The following BRINP1 variants were observed in gnomAD, a reference collection of about 807,000 sequenced individuals.
The protein encoded by BRINP1 is BMP/retinoic acid-inducible neural-specific protein 1.
BRINP1 carries 17 observed loss-of-function variants against 72.9 expected under a neutral mutation model. The observed-to-expected ratio is 0.23, with a 90% CI of 0.16 to 0.35. The LOEUF is 0.35. Ranked by LOEUF, BRINP1 falls within the 10% of genes least tolerant of loss-of-function variation. The pLI, the probability that BRINP1 is intolerant of heterozygous loss-of-function variation, is 1.00. For missense variants in BRINP1, 850 were observed against 1,001.6 expected (o/e 0.85, Z 2.04); for synonymous variants, 418 against 378.5 (o/e 1.10, Z -1.21).
chr9:119,289,022 A>G (rs1830796601), intron 2 of BRINP1, among the ~76,000 whole-genome samples: 1 of 151,834 alleles, frequency 6.6e-6, no homozygotes, highest in Admixed American at 6.6e-5. Context: ...CTGATCTCGA[A>G]CTCCTGACCT....
At chr9:119,266,378 A>G (rs1288609256) in intron 2 of BRINP1, among the ~76,000 whole-genome samples, 16 of 152,222 alleles carry the variant, frequency 1.1e-4, no homozygotes, top group Non-Finnish European at 1.3e-4. Flanking sequence ...TGTTATCATT[A>G]TATATTGACA....
At chr9:119,317,692 A>G (rs1831139093) in intron 1 of BRINP1, among the ~76,000 whole-genome samples, 1 of 152,200 alleles carries the variant, frequency 6.6e-6, no homozygotes, top group African/African-American at 2.4e-5. Flanking sequence ...GAAAGAGTCA[A>G]TTGATGTGGC....
At chr9:119,322,494 G>T (rs1395401228) in intron 1 of BRINP1, among the ~76,000 whole-genome samples, 1 of 152,210 alleles carries the variant, frequency 6.6e-6, no homozygotes, top group African/African-American at 2.4e-5. Flanking sequence ...TCAGGAGGAG[G>T]AGATGAGAGA....
intron 5 of BRINP1, among the ~76,000 whole-genome samples, chr9:119,229,424 T>C (rs1376346379): frequency 6.6e-6 from 1 of 152,066 alleles, no homozygotes; most frequent in Non-Finnish European, 1.5e-5. Flanking sequence ...CAGTAACTTA[T>C]CTGAAACCTC....
chr9:119,348,547 C>T (rs1290369080), intron 1 of BRINP1, among the ~76,000 whole-genome samples: 1 of 152,170 alleles, frequency 6.6e-6, no homozygotes, highest in African/African-American at 2.4e-5. Flanking sequence ...ATTTTGCATC[C>T]CCACTAGCAA....
At chr9:119,283,061 T>A (rs968339649) in intron 2 of BRINP1, 44 of 985,306 alleles carry the variant, frequency 4.5e-5, no homozygotes, top group Non-Finnish European at 5.1e-5. Flanking sequence ...GATACAGAGT[T>A]ACGGAGAGGT....
chr9:119,329,937 G>A (rs1252243240), intron 1 of BRINP1, among the ~76,000 whole-genome samples: 1 of 152,164 alleles, frequency 6.6e-6, no homozygotes, highest in Non-Finnish European at 1.5e-5. Flanking sequence ...CCTATTTAAT[G>A]TTCTACTTGG....
chr9:119,335,976 C>A (rs980952401), intron 1 of BRINP1, among the ~76,000 whole-genome samples: 1 of 152,196 alleles, frequency 6.6e-6, no homozygotes, highest in African/African-American at 2.4e-5. Flanking sequence ...CTTTTGAATG[C>A]CACCTGAGAC....
intron 7 of BRINP1, among the ~76,000 whole-genome samples, chr9:119,180,911 GGAA>G (rs1460564739): frequency 2.0e-5 from 3 of 152,172 alleles, no homozygotes; most frequent in Non-Finnish European, 4.4e-5. Context: ...GATGGAAGAA[GGAA>G]GAAGGAGAAG....
chr9:119,233,421 T>C (rs1030988414), intron 5 of BRINP1, among the ~76,000 whole-genome samples: 16 of 151,910 alleles, frequency 1.1e-4, no homozygotes, highest in African/African-American at 3.9e-4. Context: ...CAAAAATAAA[T>C]CTAATAAAAA....
At chr9:119,260,205 C>T (rs567900407) in intron 2 of BRINP1, among the ~76,000 whole-genome samples, 1 of 152,316 alleles carries the variant, frequency 6.6e-6, no homozygotes, top group African/African-American at 2.4e-5. Context: ...GATTAACTCA[C>T]AAGGCACCAA....
intron 7 of BRINP1, among the ~76,000 whole-genome samples, chr9:119,191,715 CG>C (rs1829685600): frequency 1.3e-5 from 2 of 151,528 alleles, no homozygotes; most frequent in Admixed American, 1.3e-4. Context: ...TTTAACAATC[CG>C]TATAAAAATG....
intron 2 of BRINP1, among the ~76,000 whole-genome samples, chr9:119,301,347 C>T (rs1830936746): frequency 6.6e-6 from 1 of 152,216 alleles, no homozygotes; most frequent in Non-Finnish European, 1.5e-5. Flanking sequence ...TGCCTCTTGA[C>T]TATTTCTTCC....
intron 1 of BRINP1, among the ~76,000 whole-genome samples, chr9:119,354,094 A>C (rs550327845): frequency 1.3e-5 from 2 of 152,084 alleles, no homozygotes; most frequent in African/African-American, 4.8e-5. Context: ...TAATTTTTTA[A>C]AAATATCATC....
chr9:119,219,284 A>G (rs1653140903), intron 5 of BRINP1, among the ~76,000 whole-genome samples: 1 of 152,154 alleles, frequency 6.6e-6, no homozygotes, highest in South Asian at 2.1e-4. Flanking sequence ...CATTACCTGG[A>G]CCAAACTTGA....
intron 3 of BRINP1, among the ~76,000 whole-genome samples, chr9:119,244,706 AT>A (rs1196112852): frequency 6.6e-6 from 1 of 152,182 alleles, no homozygotes; most frequent in Admixed American, 6.5e-5. Context: ...AGAGGGGTTA[AT>A]GGGCTTCTTG....
intron 1 of BRINP1, among the ~76,000 whole-genome samples, chr9:119,338,741 A>C (rs1332559643): frequency 1.3e-5 from 2 of 150,534 alleles, no homozygotes; most frequent in Non-Finnish European, 3.0e-5. Flanking sequence ...AAGAAGAAGA[A>C]GAAATTAGCC....
intron 2 of BRINP1, among the ~76,000 whole-genome samples, chr9:119,284,212 T>C (rs1830738882): frequency 6.6e-6 from 1 of 152,226 alleles, no homozygotes; most frequent in South Asian, 2.1e-4. Flanking sequence ...TCTAGGAGCA[T>C]GGCTTAGACC....
At chr9:119,358,878 T>C (rs41514549) in intron 1 of BRINP1, among the ~76,000 whole-genome samples, 22,800 of 152,200 alleles carry the variant, frequency 0.15, 1,809 homozygotes, top group Middle Eastern at 0.18. Flanking sequence ...CACGCCTTAT[T>C]CTACTTTCTC....
Sources: gnomAD v4.1 joint callset for allele counts (sites outside exome capture counted in the v4.1 genomes callset) on GRCh38, gnomAD v4.1.1 for gene constraint, MANE v1.5 for transcripts, NCBI Gene and HGNC (gene_info 2026-07-23, HGNC 2026-07-21) for gene names.